Variants in ENTREP2 observed in about 807,000 individuals in gnomAD.
ENTREP2 encodes the protein endosomal transmembrane epsin interactor 2.
chr15:29,285,039 G>C, the ENTREP2 span, among the ~76,000 whole-genome samples: 1 of 152,164 alleles, frequency 6.6e-6, no homozygotes, highest in African/African-American at 2.4e-5. Flanking sequence ...ATGATTCCCA[G>C]GGTTTCTCCT....
the ENTREP2 span, among the ~76,000 whole-genome samples, chr15:29,147,118 G>T: frequency 1.2e-4 from 18 of 152,300 alleles, no homozygotes; most frequent in South Asian, 3.5e-3. Context: ...CCCACAGGGT[G>T]GGAGAGAAAT....
the ENTREP2 span, among the ~76,000 whole-genome samples, chr15:29,563,762 G>A: frequency 2.0e-5 from 3 of 152,118 alleles, no homozygotes; most frequent in Admixed American, 6.5e-5. Flanking sequence ...GCTTGAACCC[G>A]GGAGGCTGAG....
the ENTREP2 span, among the ~76,000 whole-genome samples, chr15:29,194,639 A>G: frequency 2.6e-4 from 39 of 152,252 alleles, 2 homozygotes; most frequent in East Asian, 7.5e-3. Flanking sequence ...TTTCTCACCA[A>G]TGTACCAGAA....
At chr15:29,393,587 T>C in the ENTREP2 span, among the ~76,000 whole-genome samples, 1 of 152,210 alleles carries the variant, frequency 6.6e-6, no homozygotes, top group South Asian at 2.1e-4. Flanking sequence ...TCAAGGAGCA[T>C]GTCTTTTGCA....
chr15:29,586,962 A>G, the ENTREP2 span, among the ~76,000 whole-genome samples: 1 of 152,138 alleles, frequency 6.6e-6, no homozygotes, highest in South Asian at 2.1e-4. Flanking sequence ...GATTAAGCAA[A>G]TGAGGTATTA....
the ENTREP2 span, among the ~76,000 whole-genome samples, chr15:29,484,689 T>C: frequency 6.6e-6 from 1 of 152,164 alleles, no homozygotes; most frequent in African/African-American, 2.4e-5. Context: ...TCAGCTAAGA[T>C]GCTATTCTAT....
chr15:29,264,217 G>GC, the ENTREP2 span, among the ~76,000 whole-genome samples: 1 of 99,598 alleles, frequency 1.0e-5, no homozygotes, highest in African/African-American at 3.2e-5. Context: ...AATAAATGAT[G>GC]TTGGGGCATG....
At chr15:29,433,544 G>A in the ENTREP2 span, among the ~76,000 whole-genome samples, 1 of 152,116 alleles carries the variant, frequency 6.6e-6, no homozygotes, top group African/African-American at 2.4e-5. Flanking sequence ...GGTCAAAAAT[G>A]CATTCTTTCA....
chr15:29,186,046 C>T, the ENTREP2 span, among the ~76,000 whole-genome samples: 2 of 152,168 alleles, frequency 1.3e-5, no homozygotes, highest in Non-Finnish European at 2.9e-5. Flanking sequence ...TGGTGTTTGG[C>T]CCCCGAATGG....
chr15:29,461,624 G>C, the ENTREP2 span, among the ~76,000 whole-genome samples: 2 of 152,040 alleles, frequency 1.3e-5, no homozygotes, highest in Non-Finnish European at 2.9e-5. Context: ...ACAGGTGTCT[G>C]CCACTGTGCC....
At chr15:29,441,564 G>A in the ENTREP2 span, among the ~76,000 whole-genome samples, 1 of 152,196 alleles carries the variant, frequency 6.6e-6, no homozygotes, top group South Asian at 2.1e-4. Flanking sequence ...ACGTGTGTGT[G>A]TGTGAGAATA....
the ENTREP2 span, among the ~76,000 whole-genome samples, chr15:29,367,524 TA>T: frequency 1.1e-4 from 16 of 151,898 alleles, no homozygotes; most frequent in South Asian, 4.2e-4. Flanking sequence ...TCTAAACACT[TA>T]AAAAAAATCC....
chr15:29,423,658 C>A, the ENTREP2 span, among the ~76,000 whole-genome samples: 2 of 151,038 alleles, frequency 1.3e-5, no homozygotes, highest in Admixed American at 1.3e-4. Context: ...ATTAGCCGGA[C>A]GACGTGGCGG....
the ENTREP2 span, among the ~76,000 whole-genome samples, chr15:29,389,472 C>T: frequency 7.9e-5 from 12 of 151,998 alleles, no homozygotes; most frequent in African/African-American, 1.4e-4. Flanking sequence ...AATGCTTGAG[C>T]GCTTGGAACT....
chr15:29,384,207 T>C, the ENTREP2 span, among the ~76,000 whole-genome samples: 2 of 152,196 alleles, frequency 1.3e-5, no homozygotes, highest in Admixed American at 1.3e-4. Flanking sequence ...CATTTCATGT[T>C]TGACATTTCA....
chr15:29,466,484 AG>A, the ENTREP2 span, among the ~76,000 whole-genome samples: 61 of 144,052 alleles, frequency 4.2e-4, no homozygotes, highest in African/African-American at 1.5e-3. Flanking sequence ...GGGAGGGTCC[AG>A]GGGAGGATGC....
chr15:29,279,264 C>T, the ENTREP2 span, among the ~76,000 whole-genome samples: 1 of 152,118 alleles, frequency 6.6e-6, no homozygotes, highest in East Asian at 1.9e-4. Flanking sequence ...AGTATAAGTG[C>T]TCCAGTTCTG....
the ENTREP2 span, among the ~76,000 whole-genome samples, chr15:29,478,019 A>ATATTTTTTT: frequency 3.3e-4 from 18 of 54,276 alleles, no homozygotes; most frequent in Non-Finnish European, 5.1e-4. Context: ...ATATATATAT[A>ATATTTTTTT]TTTTTTTTTT....
chr15:29,385,795 C>T, the ENTREP2 span, among the ~76,000 whole-genome samples: 1 of 152,112 alleles, frequency 6.6e-6, no homozygotes, highest in Admixed American at 6.5e-5. Flanking sequence ...GTTTTCATGC[C>T]CAAATGTTGC....
Sources: gnomAD v4.1 joint callset for allele counts (sites outside exome capture counted in the v4.1 genomes callset) on GRCh38, gnomAD v4.1.1 for gene constraint, MANE v1.5 for transcripts, NCBI Gene and HGNC (gene_info 2026-07-23, HGNC 2026-07-21) for gene names.